CADM2: variants seen among roughly 807,000 people sequenced by gnomAD.
CADM2 encodes immunoglobulin superfamily member 4D.
In CADM2, 12 loss-of-function variants were observed where a neutral mutation model predicts 49.8. The observed-to-expected ratio is 0.24, with a 90% CI of 0.15 to 0.39. The LOEUF (loss-of-function observed/expected upper bound fraction) is 0.39, where lower values mean the gene tolerates loss of function less well. Among genes scored for constraint, CADM2 ranks in the 10% least tolerant of loss-of-function variants. CADM2 has a pLI of 1.00. For missense variants in CADM2, 378 were observed against 492.3 expected, an observed-to-expected ratio of 0.77 and a Z score of 2.20; for synonymous variants, 214 against 175.4, an observed-to-expected ratio of 1.22 and a Z score of -1.74.
At chr3:85,741,616 C>T (rs1228610270) in intron 2 of CADM2, among the ~76,000 whole-genome samples, 2 of 152,034 alleles carry the variant, frequency 1.3e-5, no homozygotes, top group African/African-American at 2.4e-5. Context: ...TGCAGTGAGC[C>T]GAGATCGTGC....
chr3:85,872,564 A>G (rs1322218481), intron 3 of CADM2, among the ~76,000 whole-genome samples: 1 of 151,494 alleles, frequency 6.6e-6, no homozygotes, highest in Non-Finnish European at 1.5e-5. Context: ...TTGCCCCAGG[A>G]GTTGCAACTT....
At chr3:84,988,540 C>T (rs2032712439) in intron 1 of CADM2, among the ~76,000 whole-genome samples, 1 of 152,204 alleles carries the variant, frequency 6.6e-6, no homozygotes. Context: ...TCTCCTTTCA[C>T]TTTGAGTAAA....
chr3:85,885,840 A>G lies in CADM2; in HGVS notation c.392-350A>G, dbSNP rs188303783. On this transcript the variant is annotated intron_variant, in intron 4 of 9. Coordinates refer to ENST00000383699, the MANE Select transcript of CADM2 (RefSeq NM_001167675.2). ...CCACTCCATCCTGGGCGACAGAGCA[A>G]GATCCTGTCTCAAAAAAAAAAAAAA... Among the ~76,000 whole-genome samples the G allele has an allele frequency of 8.5e-5, 11 of 129,874 alleles. No individual in the cohort carries two copies. In the East Asian group the frequency reaches 1.4e-3, roughly 16 times the overall value. 85.2% of individuals were successfully genotyped at this position (129,874 alleles called of 152,430 possible). A position where few individuals can be genotyped will look rare whatever the true frequency, so the allele number is the denominator to read the frequency against.
At chr3:85,730,440 TAAATA>T (rs57097045) in intron 2 of CADM2, among the ~76,000 whole-genome samples, 30,720 of 145,890 alleles carry the variant, frequency 0.21, 3,810 homozygotes, top group Middle Eastern at 0.3. Flanking sequence ...AGACTCTGTC[TAAATA>T]AAATAAAATA....
chr3:85,146,147 C>T (rs543969820), intron 1 of CADM2, among the ~76,000 whole-genome samples: 1 of 152,190 alleles, frequency 6.6e-6, no homozygotes, highest in East Asian at 1.9e-4. Flanking sequence ...ACATTTAGAC[C>T]AGTGTCTTGC....
At chr3:85,662,466 G>A (rs535713857) in intron 1 of CADM2, among the ~76,000 whole-genome samples, 108 of 151,730 alleles carry the variant, frequency 7.1e-4, no homozygotes, top group Non-Finnish European at 1.2e-3. Context: ...CATTTTCTTC[G>A]TAAAATAGAA....
intron 1 of CADM2, among the ~76,000 whole-genome samples, chr3:85,050,675 C>T (rs9869902): frequency 0.73 from 111,692 of 152,030 alleles, 42,107 homozygotes; most frequent in African/African-American, 0.89. Flanking sequence ...ATGGAATTAA[C>T]CTCAGTTATT....
At chr3:85,122,959 A>G (rs1421455342) in intron 1 of CADM2, among the ~76,000 whole-genome samples, 2 of 152,066 alleles carry the variant, frequency 1.3e-5, no homozygotes, top group Non-Finnish European at 1.5e-5. Flanking sequence ...TATCCTCTTC[A>G]TGGGTATTTA....
chr3:85,316,195 A>G (rs1425049182), intron 1 of CADM2, among the ~76,000 whole-genome samples: 1 of 152,184 alleles, frequency 6.6e-6, no homozygotes, highest in Non-Finnish European at 1.5e-5. Context: ...GTTTCCTTCA[A>G]ATATTTCATG....
intron 1 of CADM2, among the ~76,000 whole-genome samples, chr3:85,436,729 T>A (rs2036949011): frequency 6.6e-6 from 1 of 152,074 alleles, no homozygotes; most frequent in Non-Finnish European, 1.5e-5. Flanking sequence ...ATAGCAAAAA[T>A]AAGCAGAAAG....
chr3:85,364,057 C>G (rs1445051027), intron 1 of CADM2, among the ~76,000 whole-genome samples: 2 of 152,086 alleles, frequency 1.3e-5, no homozygotes, highest in African/African-American at 4.8e-5. Flanking sequence ...GTTTTGGGGC[C>G]TAGCTATAAC....
chr3:85,439,155 C>CTT (rs373522509), intron 1 of CADM2, among the ~76,000 whole-genome samples: 1,869 of 141,038 alleles, frequency 0.013, 44 homozygotes, highest in African/African-American at 0.045. Context: ...CTTATAATGA[C>CTT]TTTTTTTTTT....
At chr3:85,799,701 A>G (rs1262925286) in intron 2 of CADM2, among the ~76,000 whole-genome samples, 1 of 152,068 alleles carries the variant, frequency 6.6e-6, no homozygotes, top group African/African-American at 2.4e-5. Context: ...TTGCCTGGGT[A>G]TTACCAGCGG....
chr3:85,665,497 A>T (rs2107619577), intron 1 of CADM2, among the ~76,000 whole-genome samples: 1 of 152,000 alleles, frequency 6.6e-6, no homozygotes, highest in African/African-American at 2.4e-5. Flanking sequence ...TTTGTTTTGA[A>T]TTTAACTCTT....
At chr3:85,156,564 C>T (rs1400892970) in intron 1 of CADM2, among the ~76,000 whole-genome samples, 1 of 152,194 alleles carries the variant, frequency 6.6e-6, no homozygotes, top group Admixed American at 6.5e-5. Context: ...GAACTGGTAC[C>T]ATTCCTTCTG....
intron 1 of CADM2, among the ~76,000 whole-genome samples, chr3:85,021,259 T>A (rs1157453993): frequency 6.6e-6 from 1 of 152,216 alleles, no homozygotes; most frequent in Non-Finnish European, 1.5e-5. Context: ...GCACAGATTC[T>A]TGCTTTTCAT....
chr3:85,611,667 A>G (rs1436079034), intron 1 of CADM2, among the ~76,000 whole-genome samples: 1 of 151,494 alleles, frequency 6.6e-6, no homozygotes, highest in Non-Finnish European at 1.5e-5. Flanking sequence ...CTGTCCCTGA[A>G]CTATTCCTTG....
chr3:85,614,857 A>T (rs1448433927), intron 1 of CADM2, among the ~76,000 whole-genome samples: 1 of 151,970 alleles, frequency 6.6e-6, no homozygotes, highest in East Asian at 1.9e-4. Flanking sequence ...TTGTGTTGAC[A>T]TATTCAGACA....
intron 8 of CADM2, among the ~76,000 whole-genome samples, chr3:86,053,104 T>C (rs2107335421): frequency 6.6e-6 from 1 of 152,294 alleles, no homozygotes; most frequent in South Asian, 2.1e-4. Context: ...AAGAAATCAA[T>C]AAATTTGATA....
Sources: allele counts gnomAD v4.1 joint callset (sites outside exome capture counted in the v4.1 genomes callset), GRCh38; gene constraint gnomAD v4.1.1; transcripts MANE v1.5; gene names NCBI Gene and HGNC (gene_info 2026-07-23, HGNC 2026-07-21).